Variants in MPHOSPH9 observed in about 807,000 individuals in gnomAD.
MPHOSPH9 encodes the protein M-phase phosphoprotein 9.
A neutral mutation model predicts 145.5 loss-of-function variants in MPHOSPH9; 88 were observed. The observed-to-expected ratio is 0.60, with a 90% CI of 0.51 to 0.72. The LOEUF (loss-of-function observed/expected upper bound fraction) is 0.72. MPHOSPH9 is among the 30% of genes least tolerant of loss of function. The pLI, the probability that MPHOSPH9 is intolerant of heterozygous loss-of-function variation, is 0.00. For synonymous variants in MPHOSPH9, 435 were observed against 486.2 expected (o/e 0.89, Z 1.39); for missense variants, 1,238 against 1,386.6 (o/e 0.89, Z 1.70).
intron 6 of MPHOSPH9, 64 bp downstream of exon 6, chr12:123,218,312 G>C: frequency 1.9e-6 from 3 of 1,591,418 alleles, no homozygotes; most frequent in Non-Finnish European, 2.6e-6. Context: ...TTGTTCATGA[G>C]CGTGTACTAA....
intron 1 of MPHOSPH9, among the ~76,000 whole-genome samples, chr12:123,240,265 T>C (rs925240472): frequency 2.9e-4 from 44 of 149,682 alleles, no homozygotes; most frequent in Admixed American, 3.3e-4. Context: ...TCCCAGCTAC[T>C]TGGGATGCTG....
chr12:123,167,302 T>C lies in MPHOSPH9; in HGVS notation c.2457-513A>G, dbSNP rs1466185746. Among the ~76,000 whole-genome samples, 3 of 152,136 alleles carry C rather than the reference T, an allele frequency of 2.0e-5. No homozygotes were observed. In the East Asian group the frequency reaches 5.8e-4, roughly 29 times the overall value. ...ACGTTAATTTTAATAATGAAAGTTT[T>C]CAGTATCAAAATGGAGTCACTAATG... is the stretch of plus-strand genomic sequence containing the variant. On this transcript the variant is annotated intron_variant, in intron 16 of 23. Coordinates refer to ENST00000606320, the MANE Select transcript of MPHOSPH9 (RefSeq NM_022782.4).
intron 3 of MPHOSPH9, among the ~76,000 whole-genome samples, chr12:123,224,829 A>G (rs555605579): frequency 6.6e-6 from 1 of 152,320 alleles, no homozygotes; most frequent in East Asian, 1.9e-4. Context: ...CTTTCAGAAA[A>G]GCATGTCACC....
chr12:123,213,308 G>C (rs1207980179), intron 7 of MPHOSPH9, among the ~76,000 whole-genome samples: 1 of 152,026 alleles, frequency 6.6e-6, no homozygotes, highest in Non-Finnish European at 1.5e-5. Context: ...GCTAAGCTAT[G>C]ATGTTTAATA....
chr12:123,202,473 A>C, intron 10 of MPHOSPH9, 151 bp downstream of exon 10: 1 of 1,192,642 alleles, frequency 8.4e-7, no homozygotes, highest in Non-Finnish European at 1.2e-6. Context: ...ACAAAAAGTT[A>C]ACAATCAAGT....
rs985061645 is a variant in MPHOSPH9, at chr12:123,160,902, C to G, written c.3382-53G>C. 26 of 1,567,018 alleles carry G rather than the reference C, an allele frequency of 1.7e-5. No individual in the cohort carries two copies. In the African/African-American group the frequency reaches 3.0e-4, roughly 18 times the overall value. On this transcript the variant is annotated intron_variant, in intron 22 of 23. Coordinates refer to ENST00000606320, the MANE Select transcript of MPHOSPH9 (RefSeq NM_022782.4). ...AAATTACTGGCAGGGAGGTTTATCA[C>G]ACAGAATGGAAAGAAAAGGTTTTGG...
chr12:123,170,111 G>T (rs1426582431), intron 16 of MPHOSPH9, among the ~76,000 whole-genome samples: 3 of 150,676 alleles, frequency 2.0e-5, no homozygotes, highest in African/African-American at 7.3e-5. Flanking sequence ...CCGAGCAGCT[G>T]GGACTACAGG....
rs2044019457 is a variant in MPHOSPH9 at position 123,159,574 on chromosome 12, C to A, written c.3450+1207G>T. On this transcript the variant is annotated intron_variant, in intron 23 of 23. Coordinates refer to ENST00000606320, the MANE Select transcript of MPHOSPH9 (RefSeq NM_022782.4). This position sits in a 1 kb window ranked among gnomAD's most constrained non-coding sequence, Gnocchi z 4.3. The stretch of plus-strand genomic sequence containing the variant: ...CGGCAGGTAGGAGTAGAAATTGTCT[C>A]AAACATCCTGGGTTACAACTTGACA... 1 of 152,056 alleles carries A rather than the reference C, an allele frequency of 6.6e-6. No homozygotes were observed. The highest frequency in any genetic ancestry group is 1.5e-5 in the Non-Finnish European group (1 of 68,028). The allele number at this position is 152,056 out of a possible 1,614,324, so 9.4% of individuals were successfully genotyped here. A position where few individuals can be genotyped will look rare whatever the true frequency, so the allele number is the denominator to read the frequency against.
rs1212690103 is a variant in MPHOSPH9, at chr12:123,154,600, C to T, written c.*2207G>A. ...ATATAGGCTACTAAGAAGATAATTC[C>T]TTGGCAAGATAAAACTATCATCTCT... On this transcript the variant is annotated 3_prime_UTR_variant, in exon 24 of 24. Transcript: ENST00000606320. The T allele has an allele frequency of 6.6e-6, 1 of 152,142 alleles. No individual in the cohort carries two copies. Among genetic ancestry groups the T allele is most frequent in the Non-Finnish European group, 1.5e-5 (1 of 68,030 alleles). 9.4% of individuals were successfully genotyped at this position (152,142 alleles called of 1,614,324 possible).
At chr12:123,210,417 G>A (rs1203876340) in intron 7 of MPHOSPH9, among the ~76,000 whole-genome samples, 2 of 152,062 alleles carry the variant, frequency 1.3e-5, no homozygotes, top group Non-Finnish European at 2.9e-5. Context: ...TTTTGGCCAG[G>A]CATGGTAGCT....
chr12:123,210,554 G>A (rs900241885), intron 7 of MPHOSPH9, among the ~76,000 whole-genome samples: 6 of 151,964 alleles, frequency 3.9e-5, no homozygotes, highest in African/African-American at 1.4e-4. Context: ...TCAGCCAGGT[G>A]TGGTGGCACA....
chr12:123,241,307 T>C (rs1228127997), intron 1 of MPHOSPH9, among the ~76,000 whole-genome samples: 1 of 151,808 alleles, frequency 6.6e-6, no homozygotes, highest in African/African-American at 2.4e-5. Flanking sequence ...TTATTTTTTA[T>C]TGTATTTTTT....
At chr12:123,173,773 T>G (rs2044699754) in intron 16 of MPHOSPH9, among the ~76,000 whole-genome samples, 1 of 152,230 alleles carries the variant, frequency 6.6e-6, no homozygotes, top group Non-Finnish European at 1.5e-5. Context: ...GACCTTACTC[T>G]GTATCTCTTC....
At chr12:123,204,436 T>C (rs2046342552) in intron 8 of MPHOSPH9, among the ~76,000 whole-genome samples, 1 of 152,134 alleles carries the variant, frequency 6.6e-6, no homozygotes, top group African/African-American at 2.4e-5. Context: ...GTAGTTACAA[T>C]CATGTTTGTT....
intron 23 of MPHOSPH9, among the ~76,000 whole-genome samples, chr12:123,158,879 C>T (rs1260559917): frequency 6.6e-6 from 1 of 152,230 alleles, no homozygotes; most frequent in South Asian, 2.1e-4. Context: ...GATCTGCCCA[C>T]CTTGGCCTCC....
intron 7 of MPHOSPH9, among the ~76,000 whole-genome samples, chr12:123,211,868 T>C (rs2046738542): frequency 6.6e-6 from 1 of 151,596 alleles, no homozygotes; most frequent in African/African-American, 2.4e-5. Flanking sequence ...CTAATTTTTG[T>C]ATTTTGTGTA....
intron 6 of MPHOSPH9, among the ~76,000 whole-genome samples, chr12:123,215,134 CG>C (rs1409257901): frequency 6.6e-6 from 1 of 151,938 alleles, no homozygotes; most frequent in African/African-American, 2.4e-5. Flanking sequence ...CCCAGCTACT[CG>C]GCAGGCTGAC....
At chr12:123,220,796 C>G (rs1243538310) in intron 5 of MPHOSPH9, among the ~76,000 whole-genome samples, 2 of 151,976 alleles carry the variant, frequency 1.3e-5, no homozygotes, top group African/African-American at 4.8e-5. Flanking sequence ...TGGCTCACAC[C>G]TGTAATCCCA....
intron 6 of MPHOSPH9, among the ~76,000 whole-genome samples, chr12:123,215,833 TAACAC>T (rs2046928432): frequency 6.6e-6 from 1 of 152,162 alleles, no homozygotes; most frequent in Non-Finnish European, 1.5e-5. Flanking sequence ...CACACTGAAA[TAACAC>T]TACCTACGAA....
Sources: allele counts gnomAD v4.1 joint callset (sites outside exome capture counted in the v4.1 genomes callset), GRCh38; gene constraint gnomAD v4.1.1; non-coding constraint Gnocchi (gnomAD v3.1); transcripts MANE v1.5; gene names NCBI Gene and HGNC (gene_info 2026-07-23, HGNC 2026-07-21).